The following SHC3 variants were observed in gnomAD, a reference collection of about 807,000 sequenced individuals.
SHC3 encodes the protein SHC adaptor protein 3, also known as SHC-transforming protein 3.
SHC3 carries 15 observed loss-of-function variants against 60.4 expected under a neutral mutation model. The observed-to-expected ratio is 0.25, with a 90% CI of 0.17 to 0.38. SHC3 has a LOEUF of 0.38. SHC3 is among the 10% of genes least tolerant of loss of function. The pLI is 1.00. For missense variants in SHC3, 677 were observed against 786.1 expected (o/e 0.86, Z 1.66); for synonymous variants, 294 against 325.9 (o/e 0.90, Z 1.05).
intron 8 of SHC3, among the ~76,000 whole-genome samples, chr9:89,046,159 A>G (rs76050867): frequency 0.093 from 13,600 of 146,696 alleles, 2,014 homozygotes; most frequent in African/African-American, 0.32. Flanking sequence ...CAGAGTATCT[A>G]TGTGTCAGAA....
intron 4 of SHC3, 47 bp downstream of exon 4, chr9:89,075,062 T>A: frequency 6.3e-7 from 1 of 1,599,514 alleles, no homozygotes; most frequent in Non-Finnish European, 8.5e-7. Flanking sequence ...GAAACACTCA[T>A]CACCTGGGGC....
intron 1 of SHC3, among the ~76,000 whole-genome samples, chr9:89,166,770 A>G (rs2118257095): frequency 6.6e-6 from 1 of 152,338 alleles, no homozygotes; most frequent in Non-Finnish European, 1.5e-5. Context: ...AAGTGGAGGC[A>G]GGATGCAGGA....
At chr9:89,064,692 T>C (rs570441004) in intron 6 of SHC3, among the ~76,000 whole-genome samples, 40 of 152,274 alleles carry the variant, frequency 2.6e-4, no homozygotes, top group African/African-American at 8.9e-4. Context: ...AGTTCATCTC[T>C]TCCGTATGGG....
intron 2 of SHC3, among the ~76,000 whole-genome samples, chr9:89,111,048 A>G (rs1825940474): frequency 6.6e-6 from 1 of 152,106 alleles, no homozygotes; most frequent in South Asian, 2.1e-4. Context: ...ATGCCCCTCA[A>G]TCATTTATGT....
At chr9:89,059,527 G>A (rs564302861) in intron 6 of SHC3, among the ~76,000 whole-genome samples, 207 of 149,116 alleles carry the variant, frequency 1.4e-3, no homozygotes, top group Admixed American at 2.9e-3. Context: ...ATGTGGTGGA[G>A]GACAGTGGTG....
rs553574441 is a variant in SHC3, at chr9:89,011,246, C to T, written c.*2201G>A. Reference sequence around the variant, plus strand: ...AAAAAATATATATATTTTCTATCACCATCGAACTAGACACTGACTTCACAG... The same window carrying T: ...AAAAAATATATATATTTTCTATCACTATCGAACTAGACACTGACTTCACAG... On this transcript the variant is annotated 3_prime_UTR_variant, in exon 12 of 12. Coordinates refer to ENST00000375835, the MANE Select transcript of SHC3 (RefSeq NM_016848.6). 1.2e-4 allele frequency: 19 copies of T among 152,004 alleles called. No homozygotes were observed. Among genetic ancestry groups the T allele is most frequent in the Non-Finnish European group, 2.8e-4 (19 of 67,978 alleles). 9.4% of individuals were successfully genotyped at this position (152,004 alleles called of 1,614,324 possible).
At chr9:89,057,459 A>G (rs1252247929) in intron 6 of SHC3, among the ~76,000 whole-genome samples, 1 of 151,794 alleles carries the variant, frequency 6.6e-6, no homozygotes, top group Admixed American at 6.6e-5. Flanking sequence ...CACCCATCAG[A>G]TTTGTGGGAA....
chr9:89,171,463 A>C (rs1313687841), intron 1 of SHC3, among the ~76,000 whole-genome samples: 1 of 152,174 alleles, frequency 6.6e-6, no homozygotes. Flanking sequence ...TACGAGTTTA[A>C]ATTCTTGAAA....
At position 89,172,827 on chromosome 9, in the gene SHC3, TG is replaced by T. The variant is rs1227931262; in HGVS notation, c.474+5159del. On this transcript the variant is annotated intron_variant, in intron 1 of 11. Coordinates refer to ENST00000375835, the MANE Select transcript of SHC3 (RefSeq NM_016848.6). Reference sequence around the variant, plus strand: ...AATAATTCACTAACTCTACTGCCCTTGGGTATTTTCATTGAACATGCTGGCT... The same window carrying T: ...AATAATTCACTAACTCTACTGCCCTTGGTATTTTCATTGAACATGCTGGCT... Among the ~76,000 whole-genome samples the T allele has an allele frequency of 5.9e-5, 9 of 152,296 alleles. No individual in the cohort carries two copies. The East Asian group carries it at 1.7e-3, about 29-fold the overall frequency.
intron 2 of SHC3, among the ~76,000 whole-genome samples, chr9:89,108,527 A>C (rs1023195144): frequency 1.3e-5 from 2 of 151,378 alleles, no homozygotes; most frequent in African/African-American, 4.8e-5. Context: ...GTCTCAAAAA[A>C]AATGCATATA....
intron 1 of SHC3, among the ~76,000 whole-genome samples, chr9:89,135,680 G>GT (rs975309618): frequency 3.3e-5 from 5 of 151,822 alleles, no homozygotes; most frequent in East Asian, 1.9e-4. Context: ...GTTTTTGAGG[G>GT]TTTTTTTTCT....
At chr9:89,036,062 G>C (rs1185578479) in intron 11 of SHC3, among the ~76,000 whole-genome samples, 1 of 151,872 alleles carries the variant, frequency 6.6e-6, no homozygotes, top group Non-Finnish European at 1.5e-5. Context: ...AGCACAAAGG[G>C]GGAAACCTGA....
chr9:89,133,695 G>C (rs1219689165), intron 1 of SHC3, among the ~76,000 whole-genome samples: 1 of 152,052 alleles, frequency 6.6e-6, no homozygotes, highest in Admixed American at 6.6e-5. Context: ...CTCACTCATA[G>C]GTGGAAATTG....
chr9:89,105,810 C>T (rs941792155), intron 2 of SHC3, among the ~76,000 whole-genome samples: 9 of 152,170 alleles, frequency 5.9e-5, no homozygotes, highest in Non-Finnish European at 7.3e-5. Context: ...CACATCACCA[C>T]ATATTTTCAA....
intron 1 of SHC3, among the ~76,000 whole-genome samples, chr9:89,128,538 T>G (rs1001611671): frequency 3.3e-5 from 5 of 152,146 alleles, no homozygotes; most frequent in African/African-American, 1.2e-4. Flanking sequence ...TCGGTGCCCC[T>G]CTGAGATGAA....
intron 11 of SHC3, among the ~76,000 whole-genome samples, chr9:89,020,661 G>A (rs989958740): frequency 1.3e-5 from 2 of 152,218 alleles, no homozygotes; most frequent in African/African-American, 4.8e-5. Flanking sequence ...CTCATGTGCA[G>A]TAGGAGATGC....
Position 89,178,504 on chromosome 9 carries a change from C to G in SHC3, c.-44G>C. On this transcript the variant is annotated 5_prime_UTR_variant, in exon 1 of 12. Coordinates refer to ENST00000375835, the MANE Select transcript of SHC3 (RefSeq NM_016848.6). This position sits in a 1 kb window ranked among gnomAD's most constrained non-coding sequence, Gnocchi z 6.9. ...TGCATCCGCCCGGGCGCTGCTGGTG[C>G]CGGCCCCGGCGCGGGCTGCCGCGCA... The G allele has an allele frequency of 7.1e-7, 1 of 1,416,126 alleles. No individual in the cohort carries two copies. The highest frequency in any genetic ancestry group is 9.3e-7 in the Non-Finnish European group (1 of 1,079,598). The allele number at this position is 1,416,126 out of a possible 1,614,324, so 87.7% of individuals were successfully genotyped here. A position where few individuals can be genotyped will look rare whatever the true frequency, so the allele number is the denominator to read the frequency against.
chr9:89,013,635 G>A lies in SHC3; in HGVS notation c.1657-60C>T, dbSNP rs934202908. Reference sequence around the variant, plus strand: ...TCACAGGCAGCAAAAAGAGAAAATGGTTTGCTCAGAATCAGCCAGACCATC... The same window carrying A: ...TCACAGGCAGCAAAAAGAGAAAATGATTTGCTCAGAATCAGCCAGACCATC... On this transcript the variant is annotated intron_variant, in intron 11 of 11. Transcript: ENST00000375835. The A allele has an allele frequency of 5.1e-6, 8 of 1,562,536 alleles. No individual in the cohort carries two copies. The Middle Eastern group carries it at 5.2e-4, about 102-fold the overall frequency.
chr9:89,060,385 GGAA>G (rs1023074341), intron 6 of SHC3, among the ~76,000 whole-genome samples: 16 of 151,958 alleles, frequency 1.1e-4, no homozygotes, highest in Non-Finnish European at 1.6e-4. Flanking sequence ...AAGATATGCT[GGAA>G]GATGCTTGGT....
Sources: allele counts gnomAD v4.1 joint callset (sites outside exome capture counted in the v4.1 genomes callset), GRCh38; gene constraint gnomAD v4.1.1; non-coding constraint Gnocchi (gnomAD v3.1); transcripts MANE v1.5; gene names NCBI Gene and HGNC (gene_info 2026-07-23, HGNC 2026-07-21).